The following ENPEP variants were observed in gnomAD, a reference collection of about 807,000 sequenced individuals.
The protein encoded by ENPEP is AP-A.
A neutral mutation model predicts 114.5 loss-of-function variants in ENPEP; 103 were observed. That is an observed-to-expected ratio of 0.90 (90% CI 0.77 to 1.06). The LOEUF (loss-of-function observed/expected upper bound fraction) is 1.06. Among genes scored for constraint, ENPEP ranks in the 50% least tolerant of loss-of-function variants. The probability of loss-of-function intolerance (pLI) is 0.00; values close to 1 mark genes in which losing one functional copy is unlikely to be tolerated. For synonymous variants in ENPEP, 420 were observed against 422.0 expected, an observed-to-expected ratio of 1.00 and a Z score of 0.06; for missense variants, 1,196 against 1,161.3, an observed-to-expected ratio of 1.03 and a Z score of -0.43.
chr4:110,550,923 A>C (rs1273690910), intron 17 of ENPEP, among the ~76,000 whole-genome samples: 3 of 151,976 alleles, frequency 2.0e-5, no homozygotes, highest in African/African-American at 7.2e-5. Flanking sequence ...GCTATATATT[A>C]ATTCTCCTGC....
intron 3 of ENPEP, among the ~76,000 whole-genome samples, chr4:110,492,739 T>C (rs1351787329): frequency 6.6e-6 from 1 of 152,202 alleles, no homozygotes; most frequent in African/African-American, 2.4e-5. Context: ...TTGTGCTGAG[T>C]GCAGTCGATG....
chr4:110,546,150 A>C (rs1253025370), intron 13 of ENPEP, among the ~76,000 whole-genome samples: 2 of 151,958 alleles, frequency 1.3e-5, no homozygotes, highest in Non-Finnish European at 2.9e-5. Flanking sequence ...TAGTTTCTCC[A>C]ACCTCTTTTA....
Position 110,553,192 on chromosome 4 carries a change from A to G in ENPEP, c.2502-123A>G, listed in dbSNP as rs568545257. On this transcript the variant is annotated intron_variant, in intron 17 of 19. Transcript: ENST00000265162. The stretch of plus-strand genomic sequence containing the variant: ...TTTCATCATTTGTCATATTTAATTA[A>G]CTTTGTCAGTTGATACCTCAAGAAT... The G allele has an allele frequency of 1.8e-5, 15 of 826,926 alleles. No homozygotes were observed. The South Asian group carries it at 5.1e-4, about 28-fold the overall frequency. The allele number at this position is 826,926 out of a possible 1,614,324, so 51.2% of individuals were successfully genotyped here.
intron 19 of ENPEP, 87 bp downstream of exon 19, chr4:110,559,812 C>T (rs561295615): frequency 2.8e-6 from 3 of 1,058,910 alleles, no homozygotes; most frequent in Middle Eastern, 2.0e-4. Flanking sequence ...TTCTGGAATA[C>T]ATGTGCAGAA....
In ENPEP at chr4:110,556,959, A is replaced by G. The variant is rs150755470; in HGVS notation, c.2643-2688A>G. Among the ~76,000 whole-genome samples, 3 of 152,180 alleles carry G rather than the reference A, an allele frequency of 2.0e-5. No homozygotes were observed. In the East Asian group the frequency reaches 5.8e-4, roughly 29 times the overall value. On this transcript the variant is annotated intron_variant, in intron 18 of 19. Transcript: ENST00000265162. The stretch of plus-strand genomic sequence containing the variant: ...CGTCATGAAGCTTTGAGTAGAGACA[A>G]ATTTTAAGTAAAGAGTCACACAAAT...
intron 11 of ENPEP, among the ~76,000 whole-genome samples, chr4:110,540,122 T>C (rs1316226143): frequency 6.6e-6 from 1 of 152,188 alleles, no homozygotes; most frequent in Non-Finnish European, 1.5e-5. Context: ...AATAAAACAA[T>C]TTTTAAGTTG....
At position 110,513,201 on chromosome 4, in the gene ENPEP, T is replaced by C. The variant is rs185440613; in HGVS notation, c.1309-214T>C. 1.7e-3 allele frequency: 643 copies of C among 385,110 alleles called. 1 individual carries two copies. Among genetic ancestry groups the C allele is most frequent in the Admixed American group, 6.3e-3 (132 of 21,100 alleles). The allele number at this position is 385,110 out of a possible 1,614,324, so 23.9% of individuals were successfully genotyped here. ...GTTGATGTCTTCTCGGCCTGTCATC[T>C]GGGGGAAAATTAAAAGGAATTAGAA... On this transcript the variant is annotated intron_variant, in intron 6 of 19. Transcript: ENST00000265162.
intron 11 of ENPEP, among the ~76,000 whole-genome samples, chr4:110,541,945 T>A (rs1360467347): frequency 1.3e-5 from 2 of 152,146 alleles, no homozygotes; most frequent in African/African-American, 4.8e-5. Flanking sequence ...ATCTTTTACC[T>A]AAAACATAAG....
At chr4:110,492,493 TG>T (rs1724763854) in intron 3 of ENPEP, among the ~76,000 whole-genome samples, 1 of 152,168 alleles carries the variant, frequency 6.6e-6, no homozygotes, top group Admixed American at 6.5e-5. Flanking sequence ...GTCCTCAACC[TG>T]GGTTGCCAGC....
At chr4:110,520,917 A>G (rs1725963281) in intron 10 of ENPEP, among the ~76,000 whole-genome samples, 1 of 152,172 alleles carries the variant, frequency 6.6e-6, no homozygotes, top group Non-Finnish European at 1.5e-5. Context: ...TTCTCTGCAC[A>G]CAGCTCTCAG....
At position 110,558,032 on chromosome 4, in the gene ENPEP, A is replaced by ATTT. The variant is rs201439917; in HGVS notation, c.2643-1602_2643-1600dup. On this transcript the variant is annotated intron_variant, in intron 18 of 19. Coordinates refer to ENST00000265162, the MANE Select transcript of ENPEP (RefSeq NM_001977.4). Reference sequence around the variant, plus strand: ...GGCTTCTAATTTTGTATATGGTAGGATTTTTTTTTTTTTTTGTATAAAACT... The same window carrying ATTT: ...GGCTTCTAATTTTGTATATGGTAGGATTTTTTTTTTTTTTTTTTGTATAAAACT... Among the ~76,000 whole-genome samples the ATTT allele has an allele frequency of 7.4e-4, 76 of 103,204 alleles. 2 individuals carry two copies. The highest frequency in any genetic ancestry group is 5.3e-3 in the Middle Eastern group (1 of 190). The allele number at this position is 103,204 out of a possible 152,430, so 67.7% of individuals were successfully genotyped here. A position where few individuals can be genotyped will look rare whatever the true frequency, so the allele number is the denominator to read the frequency against.
chr4:110,503,121 T>C (rs941445884), intron 3 of ENPEP, among the ~76,000 whole-genome samples: 1 of 152,192 alleles, frequency 6.6e-6, no homozygotes, highest in Admixed American at 6.5e-5. Context: ...GTTCTCATTG[T>C]TCAATTCCCA....
intron 11 of ENPEP, among the ~76,000 whole-genome samples, chr4:110,532,741 T>C (rs1726455797): frequency 6.6e-6 from 1 of 152,204 alleles, no homozygotes; most frequent in Non-Finnish European, 1.5e-5. Flanking sequence ...GGATTGCTAT[T>C]ACAACAAAAC....
At chr4:110,514,163 T>C (rs1022175761) in intron 7 of ENPEP, among the ~76,000 whole-genome samples, 1 of 152,116 alleles carries the variant, frequency 6.6e-6, no homozygotes, top group African/African-American at 2.4e-5. Context: ...CACATCTGTA[T>C]GTAACATAAT....
chr4:110,560,330 A>AT (rs1051381032), intron 19 of ENPEP, among the ~76,000 whole-genome samples: 30 of 152,304 alleles, frequency 2.0e-4, no homozygotes, highest in African/African-American at 7.2e-4. Context: ...GAATGAAACT[A>AT]TTTTTTCAAA....
chr4:110,476,720 C>A lies in ENPEP; in HGVS notation c.306C>A (p.Tyr102Ter), dbSNP rs780959439. The A allele has an allele frequency of 6.2e-7, 1 of 1,613,874 alleles. No individual in the cohort carries two copies. Among genetic ancestry groups the A allele is most frequent in the East Asian group, 2.2e-5 (1 of 44,878 alleles). Reference sequence around the variant, plus strand: ...CGGACTTCGTCAACCCAGTCCACTACGACCTGCACGTGAAGCCCCTGTTGG... The same window carrying A: ...CGGACTTCGTCAACCCAGTCCACTAAGACCTGCACGTGAAGCCCCTGTTGG... ...RLPDFVNPVHYDLHVKPLLEE... is the reference protein window; with the variant it reads ...RLPDFVNPVH The change falls in exon 1 of 20, where the codon TAC becomes TAA. Residue 102 changes from tyrosine to a stop codon, truncating the protein, a stop_gained. Transcript: ENST00000265162. LOFTEE classifies it high-confidence loss of function.
chr4:110,530,405 C>A (rs560446805), intron 10 of ENPEP, among the ~76,000 whole-genome samples: 1 of 152,230 alleles, frequency 6.6e-6, no homozygotes, highest in Admixed American at 6.5e-5. Context: ...GACAGATAAA[C>A]CAACTTTGAG....
chr4:110,517,156 T>G (rs1725809171), intron 8 of ENPEP, among the ~76,000 whole-genome samples: 1 of 152,068 alleles, frequency 6.6e-6, no homozygotes, highest in Non-Finnish European at 1.5e-5. Context: ...CCCAGGCTGG[T>G]CTTGAACTTG....
intron 5 of ENPEP, 136 bp downstream of exon 5, chr4:110,509,943 C>A: frequency 8.2e-7 from 1 of 1,223,278 alleles, no homozygotes; most frequent in Non-Finnish European, 1.1e-6. Flanking sequence ...TTTCTTGGTA[C>A]TAATAAACAT....
Sources: gnomAD v4.1 joint callset for allele counts (sites outside exome capture counted in the v4.1 genomes callset) on GRCh38, gnomAD v4.1.1 for gene constraint, MANE v1.5 for transcripts, NCBI Gene and HGNC (gene_info 2026-07-23, HGNC 2026-07-21) for gene names.